CDC42BPA: variants seen among roughly 807,000 people sequenced by gnomAD.
CDC42BPA encodes CDC42 binding protein kinase alpha.
A neutral mutation model predicts 223.5 loss-of-function variants in CDC42BPA; 80 were observed. The ratio of observed to expected loss-of-function variants is 0.36; its 90% confidence interval spans 0.30 to 0.43. CDC42BPA has a LOEUF of 0.43. CDC42BPA is among the 20% of genes least tolerant of loss of function. The pLI, the probability that CDC42BPA is intolerant of heterozygous loss-of-function variation, is 1.00. For synonymous variants in CDC42BPA, 694 were observed against 718.6 expected (o/e 0.97, Z 0.55); for missense variants, 1,743 against 2,099.9 (o/e 0.83, Z 3.32).
rs569186499 is a variant in CDC42BPA at position 226,999,595 on chromosome 1, T to C, written c.4976-4615A>G. 4.8e-3 allele frequency among the ~76,000 whole-genome samples: 728 copies of C among 152,286 alleles called. 2 individuals carry two copies. The highest frequency in any genetic ancestry group is 8.1e-3 in the Non-Finnish European group (549 of 68,024). On this transcript the variant is annotated intron_variant, in intron 35 of 36. Coordinates refer to ENST00000366766, the MANE Select transcript of CDC42BPA (RefSeq NM_001394014.1). Reference sequence around the variant, plus strand: ...ACCATTTGACCCAGCAATCCCATTATTGGGTATATACTCAAAGGATTATAA... The same window carrying C: ...ACCATTTGACCCAGCAATCCCATTACTGGGTATATACTCAAAGGATTATAA...
chr1:226,992,890 G>A lies in CDC42BPA; in HGVS notation c.*1378C>T, dbSNP rs956779991. 2.6e-5 allele frequency: 4 copies of A among 152,258 alleles called. No individual in the cohort carries two copies. The highest frequency in any genetic ancestry group is 9.6e-5 in the African/African-American group (4 of 41,470). The allele number at this position is 152,258 out of a possible 1,614,324, so 9.4% of individuals were successfully genotyped here. ...CCACTAACCCCACAATCCAGCACCT[G>A]AGAGAGGAAGCCAGTCGGAGCGCCG... On this transcript the variant is annotated 3_prime_UTR_variant, in exon 37 of 37. Transcript: ENST00000366766.
intron 1 of CDC42BPA, among the ~76,000 whole-genome samples, chr1:227,263,582 ATTT>A (rs34757020): frequency 2.2e-5 from 3 of 135,126 alleles, no homozygotes; most frequent in Non-Finnish European, 3.2e-5. Context: ...TTGAGAATCA[ATTT>A]TTTTTTTTTT....
intron 2 of CDC42BPA, among the ~76,000 whole-genome samples, chr1:227,219,056 G>C (rs997240341): frequency 6.6e-5 from 10 of 152,094 alleles, no homozygotes; most frequent in Non-Finnish European, 1.5e-4. Context: ...CCTACAGACT[G>C]AAGACTAGCA....
At position 227,233,317 on chromosome 1, in the gene CDC42BPA, A is replaced by G. The variant is rs371876083; in HGVS notation, c.271-20098T>C. Reference sequence around the variant, plus strand: ...CTCCCAAAGTGCTAGGATTACAGGCATGAGCCACCACGCCCGGCCTCTATT... The same window carrying G: ...CTCCCAAAGTGCTAGGATTACAGGCGTGAGCCACCACGCCCGGCCTCTATT... On this transcript the variant is annotated intron_variant, in intron 2 of 36. Coordinates refer to ENST00000366766, the MANE Select transcript of CDC42BPA (RefSeq NM_001394014.1). 7.2e-4 allele frequency among the ~76,000 whole-genome samples: 110 copies of G among 152,228 alleles called. 1 individual carries two copies. The South Asian group carries it at 8.5e-3, about 12-fold the overall frequency.
At chr1:227,303,815 T>C (rs1413344330) in intron 1 of CDC42BPA, among the ~76,000 whole-genome samples, 1 of 152,170 alleles carries the variant, frequency 6.6e-6, no homozygotes, top group African/African-American at 2.4e-5. Flanking sequence ...GGTTTATGAC[T>C]CTTTAAAAAA....
intron 30 of CDC42BPA, among the ~76,000 whole-genome samples, chr1:227,026,489 A>T (rs1668274704): frequency 6.6e-6 from 1 of 152,222 alleles, no homozygotes; most frequent in South Asian, 2.1e-4. Context: ...AGTTATTGAC[A>T]GTGAATCAAA....
chr1:227,149,475 G>A (rs1041921998), intron 6 of CDC42BPA, among the ~76,000 whole-genome samples: 1 of 152,086 alleles, frequency 6.6e-6, no homozygotes, highest in Non-Finnish European at 1.5e-5. Flanking sequence ...TGTCTATTAT[G>A]AGTAACTCAG....
intron 16 of CDC42BPA, among the ~76,000 whole-genome samples, 199 bp from the exon 17 acceptor site, chr1:227,081,216 C>T (rs954639871): frequency 1.3e-5 from 2 of 152,118 alleles, no homozygotes; most frequent in African/African-American, 4.8e-5. Context: ...TTACAACCTA[C>T]AGTGACTTGG....
At chr1:227,244,126 T>A (rs955013899) in intron 2 of CDC42BPA, among the ~76,000 whole-genome samples, 10 of 152,160 alleles carry the variant, frequency 6.6e-5, no homozygotes, top group Non-Finnish European at 1.2e-4. Context: ...TTTGGCATTA[T>A]CTGCTAAAGC....
chr1:227,023,585 A>C (rs1667757871), intron 31 of CDC42BPA, among the ~76,000 whole-genome samples: 1 of 152,228 alleles, frequency 6.6e-6, no homozygotes, highest in Non-Finnish European at 1.5e-5. Context: ...CAAATGAACA[A>C]ATAAGTAGAA....
chr1:227,078,670 A>T (rs1679993332), intron 17 of CDC42BPA, among the ~76,000 whole-genome samples: 1 of 152,086 alleles, frequency 6.6e-6, no homozygotes, highest in South Asian at 2.1e-4. Flanking sequence ...GTGGAGTTCA[A>T]GAGCCATTAG....
chr1:227,252,790 T>C (rs1365635433), intron 2 of CDC42BPA, among the ~76,000 whole-genome samples: 2 of 152,132 alleles, frequency 1.3e-5, no homozygotes, highest in African/African-American at 2.4e-5. Context: ...AGAAAAACCA[T>C]GAGTGTCCCA....
intron 34 of CDC42BPA, chr1:227,010,788 C>T (rs112041133): frequency 1.5e-5 from 10 of 651,930 alleles, no homozygotes; most frequent in African/African-American, 9.9e-5. Flanking sequence ...CACAAGATGG[C>T]ACCATTTCAG....
At chr1:227,122,171 T>C (rs1688774606) in intron 11 of CDC42BPA, among the ~76,000 whole-genome samples, 1 of 152,242 alleles carries the variant, frequency 6.6e-6, no homozygotes, top group African/African-American at 2.4e-5. Flanking sequence ...AGTAAAAATG[T>C]AGCCTGTAAG....
intron 21 of CDC42BPA, among the ~76,000 whole-genome samples, chr1:227,056,855 A>G (rs985290016): frequency 2.6e-5 from 4 of 152,266 alleles, no homozygotes; most frequent in Admixed American, 2.0e-4. Context: ...ACAGTATTAC[A>G]GAAGTACTAT....
At chr1:227,279,602 A>G (rs1378947948) in intron 1 of CDC42BPA, among the ~76,000 whole-genome samples, 1 of 152,194 alleles carries the variant, frequency 6.6e-6, no homozygotes, top group Non-Finnish European at 1.5e-5. Flanking sequence ...TCCAAAAGAT[A>G]TATTTAACTG....
intron 5 of CDC42BPA, among the ~76,000 whole-genome samples, chr1:227,168,263 T>C (rs557798744): frequency 6.6e-6 from 1 of 152,286 alleles, no homozygotes; most frequent in South Asian, 2.1e-4. Flanking sequence ...AAAAATATCA[T>C]ATCACATTTA....
intron 12 of CDC42BPA, among the ~76,000 whole-genome samples, chr1:227,119,054 T>C (rs1006099618): frequency 6.6e-6 from 1 of 152,160 alleles, no homozygotes; most frequent in Non-Finnish European, 1.5e-5. Context: ...TCATTCATTC[T>C]ATATTATCAG....
At position 227,045,776 on chromosome 1, in the gene CDC42BPA, T is replaced by C. The variant is rs144763568; in HGVS notation, c.3093+2151A>G. On this transcript the variant is annotated intron_variant, in intron 23 of 36. Coordinates refer to ENST00000366766, the MANE Select transcript of CDC42BPA (RefSeq NM_001394014.1). ...GCTCTGTTTCTTTCTGCTTTTTGCA[T>C]TGTCCCTTTTTCCTTCAACAAAAAC... Among the ~76,000 whole-genome samples, 565 of 152,308 alleles carry C rather than the reference T, an allele frequency of 3.7e-3. 13 individuals carry two copies. Among genetic ancestry groups the C allele is most frequent in the Admixed American group, 0.033 (507 of 15,292 alleles).
Sources: allele counts gnomAD v4.1 joint callset (sites outside exome capture counted in the v4.1 genomes callset), GRCh38; gene constraint gnomAD v4.1.1; transcripts MANE v1.5; gene names NCBI Gene and HGNC (gene_info 2026-07-23, HGNC 2026-07-21).